The following MALRD1 variants were observed in gnomAD, a reference collection of about 807,000 sequenced individuals.
MALRD1 encodes the protein MAM and LDL receptor class A domain containing 1, also known as MAM and LDL-receptor class A domain-containing protein 1.
MALRD1 carries 247 observed loss-of-function variants against 242.1 expected under a neutral mutation model. The ratio of observed to expected loss-of-function variants is 1.02; its 90% CI spans 0.92 to 1.13. The LOEUF (loss-of-function observed/expected upper bound fraction) is 1.13, where lower values mean the gene tolerates loss of function less well. Ranked by LOEUF, MALRD1 falls within the 50% of genes most tolerant of loss-of-function variation. MALRD1 has a pLI of 0.00. For missense variants in MALRD1, 2,989 were observed against 2,533.1 expected (o/e 1.18, Z -3.86); for synonymous variants, 995 against 866.6 (o/e 1.15, Z -2.60).
intron 1 of MALRD1, chr10:19,052,163 T>C (rs1187750932): frequency 4.7e-6 from 2 of 428,358 alleles, no homozygotes; most frequent in Non-Finnish European, 9.1e-6. Context: ...TAATGATGTC[T>C]AAAGAAAATA....
intron 36 of MALRD1, among the ~76,000 whole-genome samples, chr10:19,638,143 C>T (rs1419740063): frequency 1.3e-5 from 2 of 148,512 alleles, no homozygotes; most frequent in African/African-American, 5.0e-5. Context: ...ATTCGGTACC[C>T]ATGGCAAAAC....
chr10:19,136,947 C>A (rs946074514), intron 10 of MALRD1, among the ~76,000 whole-genome samples, 166 bp downstream of exon 10: 1 of 152,144 alleles, frequency 6.6e-6, no homozygotes, highest in African/African-American at 2.4e-5. Flanking sequence ...TCAGGGATCT[C>A]TATTTTAACT....
chr10:19,292,875 A>T (rs1291377501), intron 21 of MALRD1, among the ~76,000 whole-genome samples: 3 of 145,212 alleles, frequency 2.1e-5, no homozygotes, highest in East Asian at 4.1e-4. Flanking sequence ...CCTGGGCAAC[A>T]GAGCGAGACT....
At chr10:19,431,978 A>G (rs7894518) in intron 28 of MALRD1, among the ~76,000 whole-genome samples, 46,476 of 151,754 alleles carry the variant, frequency 0.31, 7,919 homozygotes, top group East Asian at 0.48. Flanking sequence ...GTGTTCTTCT[A>G]CGTTCTACCA....
At chr10:19,306,297 G>A (rs1842194124) in intron 21 of MALRD1, among the ~76,000 whole-genome samples, 1 of 135,586 alleles carries the variant, frequency 7.4e-6, no homozygotes, top group Non-Finnish European at 1.6e-5. Context: ...AGTATATATA[G>A]TGTCGTATAT....
chr10:19,261,486 AT>A (rs550822944), intron 19 of MALRD1, among the ~76,000 whole-genome samples: 11 of 148,170 alleles, frequency 7.4e-5, no homozygotes, highest in African/African-American at 9.9e-5. Context: ...CTTTCCAGTC[AT>A]TTTTTTTTTC....
intron 32 of MALRD1, among the ~76,000 whole-genome samples, chr10:19,544,139 T>C (rs1388109945): frequency 3.9e-5 from 6 of 152,078 alleles, no homozygotes. Context: ...TTTCTACTGG[T>C]ATTTTTTATT....
chr10:19,342,185 A>G (rs1271793110), intron 24 of MALRD1, among the ~76,000 whole-genome samples: 2 of 152,150 alleles, frequency 1.3e-5, no homozygotes, highest in Non-Finnish European at 2.9e-5. Flanking sequence ...TGTGGTAAAA[A>G]TTAATTTCAC....
intron 35 of MALRD1, among the ~76,000 whole-genome samples, chr10:19,611,075 G>C (rs1838872269): frequency 6.6e-6 from 1 of 151,886 alleles, no homozygotes; most frequent in Admixed American, 6.6e-5. Context: ...AGATGATTGA[G>C]AACAATTATT....
rs955541493 is a variant in MALRD1 at position 19,387,635 on chromosome 10, T to C, written c.4549T>C (p.Cys1517Arg). 6 of 1,550,200 alleles carry C rather than the reference T, an allele frequency of 3.9e-6. No individual in the cohort carries two copies. Among genetic ancestry groups the C allele is most frequent in the Non-Finnish European group, 4.4e-6 (5 of 1,146,870 alleles). Residue 1517 changes from cysteine (C) to arginine (R), a missense_variant, in exon 27 of 40, where the codon TGT becomes CGT. Transcript: ENST00000454679. ...TGGAGATAATACTGATGAAAATGAGTGTGGTAGCTCCTGTACTTTTGAAAA... is the reference window on the plus strand; with the variant it reads ...TGGAGATAATACTGATGAAAATGAGCGTGGTAGCTCCTGTACTTTTGAAAA... ...NCGDNTDENE[C>R]GSSCTFEKGW...
intron 28 of MALRD1, among the ~76,000 whole-genome samples, chr10:19,414,213 C>T (rs60163084): frequency 1.8e-4 from 27 of 151,966 alleles, no homozygotes; most frequent in Non-Finnish European, 3.1e-4. Context: ...AGAACGTTGT[C>T]GTAGTGGTAG....
chr10:19,469,091 A>G (rs1459888162), intron 29 of MALRD1, among the ~76,000 whole-genome samples: 1 of 152,106 alleles, frequency 6.6e-6, no homozygotes, highest in African/African-American at 2.4e-5. Flanking sequence ...CTCTCTGGGT[A>G]TGGGGTCCTG....
At chr10:19,068,170 T>C (rs1835037158) in intron 2 of MALRD1, among the ~76,000 whole-genome samples, 1 of 152,066 alleles carries the variant, frequency 6.6e-6, no homozygotes, top group African/African-American at 2.4e-5. Context: ...AGCACATATT[T>C]ATTTACTGTA....
At chr10:19,573,706 T>G (rs1197839912) in intron 33 of MALRD1, among the ~76,000 whole-genome samples, 1 of 152,176 alleles carries the variant, frequency 6.6e-6, no homozygotes, top group Non-Finnish European at 1.5e-5. Flanking sequence ...CATTAACCAC[T>G]TCACGCAAAT....
Position 19,203,787 on chromosome 10 carries a change from C to T in MALRD1, c.2011C>T (p.His671Tyr). The change falls in exon 15 of 40, where the codon CAT becomes TAT. Residue 671 changes from histidine to tyrosine, a missense_variant. Physicochemically the swap from His to Tyr is moderately conservative, Grantham distance 83 (BLOSUM62 2). Coordinates refer to ENST00000454679, the MANE Select transcript of MALRD1 (RefSeq NM_001142308.3). ...CDWFEAISGD[H>Y]FDWIRSSQSE... Reference sequence around the variant, plus strand: ...TTGGTTTGAAGCAATTAGTGGTGACCATTTTGACTGGATACGGAGCTCTCA... The same window carrying T: ...TTGGTTTGAAGCAATTAGTGGTGACTATTTTGACTGGATACGGAGCTCTCA... The T allele has an allele frequency of 6.4e-7, 1 of 1,550,558 alleles. No homozygotes were observed. The highest frequency in any genetic ancestry group is 8.7e-7 in the Non-Finnish European group (1 of 1,146,910).
intron 19 of MALRD1, among the ~76,000 whole-genome samples, chr10:19,274,106 T>G (rs118011359): frequency 1.3e-5 from 2 of 152,330 alleles, no homozygotes; most frequent in East Asian, 3.9e-4. Flanking sequence ...TATCCTATGA[T>G]GTAGCAATGC....
At chr10:19,222,319 G>A (rs1326195989) in intron 18 of MALRD1, among the ~76,000 whole-genome samples, 3 of 152,074 alleles carry the variant, frequency 2.0e-5, no homozygotes, top group South Asian at 2.1e-4. Context: ...TGTCTGGGGC[G>A]GCCACCTCTG....
chr10:19,192,563 AT>A (rs138322813), intron 14 of MALRD1, among the ~76,000 whole-genome samples: 9,955 of 152,204 alleles, frequency 0.065, 435 homozygotes, highest in Middle Eastern at 0.11. Flanking sequence ...AACCATCTAA[AT>A]GAGAATAAGC....
intron 7 of MALRD1, among the ~76,000 whole-genome samples, chr10:19,126,319 C>G (rs1391816428): frequency 6.6e-6 from 1 of 152,112 alleles, no homozygotes; most frequent in Non-Finnish European, 1.5e-5. Flanking sequence ...CTTACTCCCT[C>G]TAATCTTTTC....
Sources: gnomAD v4.1 joint callset for allele counts (sites outside exome capture counted in the v4.1 genomes callset) on GRCh38, gnomAD v4.1.1 for gene constraint, MANE v1.5 for transcripts, NCBI Gene and HGNC (gene_info 2026-07-23, HGNC 2026-07-21) for gene names.